Variants in XRCC3 observed in about 807,000 individuals in gnomAD.
The protein encoded by XRCC3 is DNA repair protein XRCC3.
Under a neutral mutation model 29.2 loss-of-function variants are expected in XRCC3, and 34 were observed. The observed-to-expected ratio is 1.16, with a 90% CI of 0.88 to 1.55. The LOEUF (loss-of-function observed/expected upper bound fraction) is 1.55. XRCC3 is among the 40% of genes most tolerant of loss of function. The pLI is 0.00. For missense variants in XRCC3, 463 were observed against 467.6 expected (o/e 0.99, Z 0.09); for synonymous variants, 223 against 211.3 (o/e 1.06, Z -0.48).
chr14:103,699,342 G>A (rs767947314), intron 8 of XRCC3, 22 bp downstream of exon 8: 6 of 1,581,610 alleles, frequency 3.8e-6, no homozygotes, highest in Non-Finnish European at 5.2e-6. Flanking sequence ...GCTCAGGGGT[G>A]CAACCCTGCC....
chr14:103,706,905 G>C, intron 6 of XRCC3, 98 bp downstream of exon 6: 2 of 1,313,036 alleles, frequency 1.5e-6, no homozygotes, highest in Non-Finnish European at 2.1e-6. Context: ...TAGGAACAGC[G>C]CAAGAGGCGG....
rs777515106 is a variant in XRCC3 at position 103,699,396 on chromosome 14, C to T, written c.742G>A (p.Ala248Thr). 6 of 1,611,508 alleles carry T rather than the reference C, an allele frequency of 3.7e-6. No homozygotes were observed. Among genetic ancestry groups the T allele is most frequent in the Admixed American group, 3.3e-5 (2 of 59,744 alleles). Residue 248 changes from alanine (A) to threonine (T), a missense_variant, in exon 8 of 10, where the codon GCC becomes ACC. By Grantham distance (58) the Ala-to-Thr change is moderately conservative. Coordinates refer to ENST00000555055, the MANE Select transcript of XRCC3 (RefSeq NM_005432.4). ...ATGCACAGCACAGGGCTCTGGAAGGCACTGCTCAGCTCACGCAGCGTGGCC... is the reference window on the plus strand; with the variant it reads ...ATGCACAGCACAGGGCTCTGGAAGGTACTGCTCAGCTCACGCAGCGTGGCC... The part of the protein sequence containing the change: ...LGATLRELSS[A>T]FQSPVLCINQ...
At chr14:103,701,126 C>T (rs2083163528) in intron 7 of XRCC3, 4 of 1,523,446 alleles carry the variant, frequency 2.6e-6, no homozygotes, top group Admixed American at 2.0e-5. Flanking sequence ...CCCCAGAGAG[C>T]TGTTTCCAGA....
intron 2 of XRCC3, chr14:103,711,905 T>C (rs940382849): frequency 8.2e-5 from 29 of 353,078 alleles, no homozygotes; most frequent in Non-Finnish European, 1.4e-4. Context: ...ATGGGGAAAC[T>C]GGAAGGCAGC....
Position 103,698,353 on chromosome 14 carries a change from T to C in XRCC3, c.*445A>G. On this transcript the variant is annotated 3_prime_UTR_variant, in exon 10 of 10. Transcript: ENST00000555055. ...GTGGGGGAGTAAGGACTGCCCTGTG[T>C]GCAGGAGGGGAGACCCTCGTGGGCA... is the stretch of plus-strand genomic sequence containing the variant. 1 of 237,556 alleles carries C rather than the reference T, an allele frequency of 4.2e-6. No individual in the cohort carries two copies. The highest frequency in any genetic ancestry group is 8.5e-6 in the Non-Finnish European group (1 of 118,028). The allele number at this position is 237,556 out of a possible 1,614,324, so 14.7% of individuals were successfully genotyped here. A position where few individuals can be genotyped will look rare whatever the true frequency, so the allele number is the denominator to read the frequency against.
Position 103,707,199 on chromosome 14 carries a change from C to G in XRCC3, c.210G>C (p.Gln70His), listed in dbSNP as rs1250573832. 1.5e-5 allele frequency: 24 copies of G among 1,548,706 alleles called. No homozygotes were observed. The highest frequency in any genetic ancestry group is 2.0e-5 in the Non-Finnish European group (23 of 1,146,674). ...GCTGCGTGGGGAACCGCTCCTTCTG[C>G]TGGTGCAGCTGCAGTGCTAAAGGGC... ...SSILTALQLHQQKERFPTQHQ... is the reference protein window; with the variant it reads ...SSILTALQLHHQKERFPTQHQ... The change falls in exon 6 of 10, where the codon CAG (glutamine) becomes CAC (histidine). Residue 70 changes from glutamine to histidine, a missense_variant. Gln to His is a conservative substitution (Grantham distance 24). Transcript: ENST00000555055.
rs975228418 is a variant in XRCC3, at chr14:103,698,581, T to C, written c.*217A>G. ...ACCAGGTACCCAGCAAGCGGGCCTG[T>C]CCCCAGACCCAGGGAGAGGCAGAAC... On this transcript the variant is annotated 3_prime_UTR_variant, in exon 10 of 10. Coordinates refer to ENST00000555055, the MANE Select transcript of XRCC3 (RefSeq NM_005432.4). The C allele has an allele frequency of 8.4e-6, 5 of 596,424 alleles. No individual in the cohort carries two copies. The African/African-American group carries it at 9.3e-5, about 11-fold the overall frequency. The allele number at this position is 596,424 out of a possible 1,614,324, so 36.9% of individuals were successfully genotyped here. A position where few individuals can be genotyped will look rare whatever the true frequency, so the allele number is the denominator to read the frequency against.
At chr14:103,711,342 T>G (rs563894235) in intron 3 of XRCC3, 97 bp from the exon 4 acceptor site, 2 of 668,430 alleles carry the variant, frequency 3.0e-6, no homozygotes, top group South Asian at 3.0e-5. Context: ...TTTAGCAGCT[T>G]AGAACCCATT....
Position 103,711,051 on chromosome 14 carries a change from T to G in XRCC3, c.37A>C (p.Ile13Leu). The G allele has an allele frequency of 6.2e-7, 1 of 1,614,174 alleles. No individual in the cohort carries two copies. The highest frequency in any genetic ancestry group is 8.5e-7 in the Non-Finnish European group (1 of 1,180,012). The change falls in exon 4 of 10, where the codon ATT becomes CTT. Residue 13 changes from isoleucine to leucine, a missense_variant. By Grantham distance (5) the Ile-to-Leu change is conservative. Coordinates refer to ENST00000555055, the MANE Select transcript of XRCC3 (RefSeq NM_005432.4). ...LDLLDLNPRI[I>L]AAIKKAKLKS... is the part of the protein sequence containing the mutation. ...AATGTACCTTTCTTAATTGCAGCAA[T>G]AATTCTGGGATTCAGGTCCAGTAGA...
At chr14:103,712,073 C>A (rs971116777) in intron 2 of XRCC3, 3 of 291,296 alleles carry the variant, frequency 1.0e-5, no homozygotes, top group African/African-American at 2.2e-5. Flanking sequence ...ACGCTGGTCA[C>A]TCGTATGCCC....
chr14:103,708,021 A>G (rs1233512719), intron 5 of XRCC3: 4 of 223,962 alleles, frequency 1.8e-5, no homozygotes, highest in South Asian at 6.7e-5. Flanking sequence ...CCTGCAGGGG[A>G]GAGAGGGCCC....
In XRCC3 at chr14:103,698,388, G is replaced by A. The variant is rs2082754982; in HGVS notation, c.*410C>T. 1 of 288,584 alleles carries A rather than the reference G, an allele frequency of 3.5e-6. No individual in the cohort carries two copies. Among genetic ancestry groups the A allele is most frequent in the South Asian group, 3.3e-5 (1 of 29,954 alleles). 17.9% of individuals were successfully genotyped at this position (288,584 alleles called of 1,614,324 possible). A position where few individuals can be genotyped will look rare whatever the true frequency, so the allele number is the denominator to read the frequency against. The stretch of plus-strand genomic sequence containing the variant: ...GAGACCCTCGTGGGCACGGTCCCAA[G>A]GCTGAGGGGGTCTGAGGCCCCAGCC... On this transcript the variant is annotated 3_prime_UTR_variant, in exon 10 of 10. Transcript: ENST00000555055.
chr14:103,715,291 G>A (rs2083776580), intron 1 of XRCC3, 133 bp downstream of exon 1: 1 of 152,170 alleles, frequency 6.6e-6, no homozygotes. Flanking sequence ...CACAGGCTCG[G>A]GCAATGGAGA....
chr14:103,710,699 A>G (rs907812105), intron 4 of XRCC3: 13 of 296,798 alleles, frequency 4.4e-5, no homozygotes, highest in Non-Finnish European at 7.7e-5. Context: ...CTGAGATCGC[A>G]CCACTGCACT....
chr14:103,710,884 CTG>C, intron 4 of XRCC3, 147 bp downstream of exon 4: 2 of 609,634 alleles, frequency 3.3e-6, no homozygotes, highest in Non-Finnish European at 5.9e-6. Context: ...ACACACACAC[CTG>C]AAAATCCCAT....
chr14:103,712,085 T>C (rs1481806554), intron 2 of XRCC3: 2 of 270,612 alleles, frequency 7.4e-6, no homozygotes, highest in Non-Finnish European at 1.5e-5. Flanking sequence ...CGTATGCCCA[T>C]GTTCAGCCTG....
chr14:103,699,269 C>T, intron 8 of XRCC3, 90 bp from the exon 9 acceptor site: 2 of 1,540,282 alleles, frequency 1.3e-6, no homozygotes, highest in Non-Finnish European at 1.7e-6. Context: ...CCGGAGGCCA[C>T]CTCACTGCCA....
intron 7 of XRCC3, chr14:103,700,426 C>CA (rs1397448805): frequency 2.1e-6 from 1 of 469,880 alleles, no homozygotes; most frequent in Non-Finnish European, 3.7e-6. Flanking sequence ...CTTGGTGAGC[C>CA]ATGGTGATGG....
chr14:103,702,765 T>C (rs530633072), intron 7 of XRCC3: 1 of 200,462 alleles, frequency 5.0e-6, no homozygotes, highest in Non-Finnish European at 1.0e-5. Context: ...CTCCTGAGCC[T>C]CCTCCTAGGC....
Sources: allele counts gnomAD v4.1 joint callset, GRCh38; gene constraint gnomAD v4.1.1; transcripts MANE v1.5; gene names NCBI Gene and HGNC (gene_info 2026-07-23, HGNC 2026-07-21).